Variants in STRA8 observed in about 807,000 individuals in gnomAD.
The protein encoded by STRA8 is stimulated by retinoic acid gene 8 protein homolog.
Under a neutral mutation model 37.1 loss-of-function variants are expected in STRA8, and 18 were observed. The ratio of observed to expected loss-of-function variants is 0.48; its 90% CI spans 0.34 to 0.72. The LOEUF is 0.72. STRA8 is among the 30% of genes least tolerant of loss of function. STRA8 has a pLI of 0.01. For synonymous variants in STRA8, 168 were observed against 162.9 expected (o/e 1.03, Z -0.24); for missense variants, 357 against 410.4 (o/e 0.87, Z 1.13).
intron 1 of STRA8, among the ~76,000 whole-genome samples, chr7:135,239,352 G>A (rs1356239557): frequency 1.3e-5 from 2 of 152,226 alleles, no homozygotes; most frequent in Admixed American, 6.5e-5. Context: ...GCCTGGGCAT[G>A]TGTATTTTCA....
intron 6 of STRA8, among the ~76,000 whole-genome samples, chr7:135,251,457 TGA>T (rs1832632458): frequency 1.3e-5 from 2 of 152,214 alleles, no homozygotes; most frequent in Admixed American, 1.3e-4. Context: ...GAAGTTTTGA[TGA>T]GGTTTTTCTC....
intron 6 of STRA8, among the ~76,000 whole-genome samples, chr7:135,249,499 G>A (rs150284876): frequency 1.3e-5 from 2 of 152,242 alleles, no homozygotes; most frequent in African/African-American, 4.8e-5. Flanking sequence ...CAGGATAATC[G>A]CTTGAACCTG....
chr7:135,238,504 T>A (rs947286311), intron 1 of STRA8, among the ~76,000 whole-genome samples: 66 of 152,160 alleles, frequency 4.3e-4, no homozygotes, highest in African/African-American at 1.5e-3. Context: ...AACTCCAGAT[T>A]CCCTACAAGC....
chr7:135,247,125 G>A, intron 6 of STRA8: 1 of 161,310 alleles, frequency 6.2e-6, no homozygotes, highest in Non-Finnish European at 1.3e-5. Flanking sequence ...GATTACAGGC[G>A]TGAGCCACCG....
intron 6 of STRA8, among the ~76,000 whole-genome samples, chr7:135,250,261 G>C (rs1156691911): frequency 6.6e-6 from 1 of 152,196 alleles, no homozygotes; most frequent in African/African-American, 2.4e-5. Context: ...GCTTGTGAGG[G>C]GGATTTGCAC....
At chr7:135,242,910 T>C (rs2117797992) in intron 3 of STRA8, 54 bp downstream of exon 3, 1 of 1,565,994 alleles carries the variant, frequency 6.4e-7, no homozygotes, top group Non-Finnish European at 8.8e-7. Flanking sequence ...AAACTGGATC[T>C]GTTTTTCTAT....
intron 4 of STRA8, among the ~76,000 whole-genome samples, chr7:135,244,825 G>A (rs555964570): frequency 6.6e-6 from 1 of 152,188 alleles, no homozygotes; most frequent in South Asian, 2.1e-4. Flanking sequence ...TGCCTTACTG[G>A]ACTGTCTAGA....
chr7:135,243,568 T>C (rs1009344311), intron 4 of STRA8, among the ~76,000 whole-genome samples, 158 bp downstream of exon 4: 1 of 152,224 alleles, frequency 6.6e-6, no homozygotes, highest in African/African-American at 2.4e-5. Context: ...CATTCGTTTC[T>C]CTTTTATTCT....
At chr7:135,240,818 C>CAGAAGTGG in intron 2 of STRA8, 102 bp downstream of exon 2, 1 of 1,329,712 alleles carries the variant, frequency 7.5e-7, no homozygotes. Context: ...CCTGGAGCTG[C>CAGAAGTGG]CACTTCTGCT....
rs1221276081 is a variant in STRA8 at position 135,246,159 on chromosome 7, A to T, written c.594-258A>T. The T allele has an allele frequency of 1.6e-5, 9 of 553,462 alleles. No individual in the cohort carries two copies. Among genetic ancestry groups the T allele is most frequent in the Non-Finnish European group, 2.9e-5 (9 of 309,458 alleles). The allele number at this position is 553,462 out of a possible 1,614,324, so 34.3% of individuals were successfully genotyped here. A position where few individuals can be genotyped will look rare whatever the true frequency, so the allele number is the denominator to read the frequency against. On this transcript the variant is annotated intron_variant, in intron 5 of 8. Coordinates refer to ENST00000662584, the MANE Select transcript of STRA8 (RefSeq NM_001394401.1). This position sits in a 1 kb window ranked among gnomAD's most constrained non-coding sequence, Gnocchi z 5.4. ...CTACGCCTCTTATCTGCTTCTGTCT[A>T]ACACAGAAGGCTTCATGGGGCAGGG...
chr7:135,252,939 T>A lies in STRA8; in HGVS notation c.953+1070T>A, dbSNP rs533422311. On this transcript the variant is annotated intron_variant, in intron 7 of 8. Transcript: ENST00000662584. ...TCTGGAACCTCTTTCTTTAAAAAAA[T>A]TTTTTTTTTTTCTAAGACAGAGTCT... 3.9e-3 allele frequency among the ~76,000 whole-genome samples: 578 copies of A among 147,954 alleles called. 5 individuals are homozygous for A. The highest frequency in any genetic ancestry group is 0.011 in the Middle Eastern group (3 of 280).
chr7:135,244,938 G>A (rs912282108), intron 4 of STRA8, among the ~76,000 whole-genome samples: 7 of 152,088 alleles, frequency 4.6e-5, no homozygotes, highest in East Asian at 1.9e-4. Flanking sequence ...CGATGTTAGC[G>A]GTAGGTTTTT....
At chr7:135,232,928 G>T (rs1313859020), upstream of STRA8, among the ~76,000 whole-genome samples, 1 of 152,224 alleles carries the variant, frequency 6.6e-6, no homozygotes, top group East Asian at 1.9e-4. Flanking sequence ...GCAAGGGGGC[G>T]CCTGGGCGGA....
In STRA8 at chr7:135,246,657, G is replaced by C. The variant is rs575191998; in HGVS notation, c.834G>C (p.Val278=). The C allele has an allele frequency of 6.5e-7, 1 of 1,534,122 alleles. No individual in the cohort carries two copies. The highest frequency in any genetic ancestry group is 2.4e-5 in the East Asian group (1 of 40,832). ...CAEGSVKDSG[V]DSQGASCSLV... ...AGGGCAGCGTGAAGGACAGCGGCGT[G>C]GACAGCCAGGGGGCCAGCTGCTCGC... The change falls in exon 6 of 9, where the codon GTG becomes GTC. Residue 278 remains valine (V), a synonymous_variant. Transcript: ENST00000662584. The surrounding 1 kb of genome is among the most constrained non-coding windows in gnomAD (Gnocchi z 5.4).
At position 135,255,117 on chromosome 7, in the gene STRA8, A is replaced by G; in HGVS notation, c.957A>G (p.Ser319=). ...SEVPSTSSSS[S]VLASCNPENP... ...TTTTCTTCCTTTCTGTTGTCAGTTC[A>G]GTGCTTGCCAGCTGCAACCCAGAAA... is the stretch of plus-strand genomic sequence containing the variant. The change falls in exon 8 of 9, where the codon TCA becomes TCG. Residue 319 remains serine, a synonymous_variant. Transcript: ENST00000662584. The G allele has an allele frequency of 6.2e-7, 1 of 1,613,378 alleles. No individual in the cohort carries two copies. The highest frequency in any genetic ancestry group is 8.5e-7 in the Non-Finnish European group (1 of 1,179,310).
chr7:135,250,919 G>T (rs570943965), intron 6 of STRA8, among the ~76,000 whole-genome samples: 3 of 152,236 alleles, frequency 2.0e-5, no homozygotes, highest in African/African-American at 7.2e-5. Context: ...TAACACATTA[G>T]GGGGAAGCAG....
chr7:135,244,295 G>T (rs924998346), intron 4 of STRA8, among the ~76,000 whole-genome samples: 2 of 152,152 alleles, frequency 1.3e-5, no homozygotes, highest in African/African-American at 4.8e-5. Context: ...TGACCTCAAG[G>T]TATCTACCTG....
At chr7:135,238,184 C>T (rs950883838) in intron 1 of STRA8, among the ~76,000 whole-genome samples, 8 of 152,146 alleles carry the variant, frequency 5.3e-5, no homozygotes, top group Non-Finnish European at 1.0e-4. Flanking sequence ...GCGGTGTGCC[C>T]CCTCCCTGAG....
rs557006218 is a variant in STRA8 at position 135,258,221 on chromosome 7, T to G, written c.1066-197T>G. 2.8e-4 allele frequency among the ~76,000 whole-genome samples: 42 copies of G among 147,370 alleles called. 1 individual carries two copies. The South Asian group carries it at 9.0e-3, about 32-fold the overall frequency. On this transcript the variant is annotated intron_variant, in intron 8 of 8. Coordinates refer to ENST00000662584, the MANE Select transcript of STRA8 (RefSeq NM_001394401.1). The stretch of plus-strand genomic sequence containing the variant: ...TTTCTGGAGGTCATAGAATGCTGAG[T>G]TGAGTGAAATGGAAATGGGACCTTC...
Sources: gnomAD v4.1 joint callset for allele counts (sites outside exome capture counted in the v4.1 genomes callset) on GRCh38, gnomAD v4.1.1 for gene constraint, Gnocchi (gnomAD v3.1) non-coding constraint, MANE v1.5 for transcripts, NCBI Gene and HGNC (gene_info 2026-07-23, HGNC 2026-07-21) for gene names.